The following FAM107B variants were observed in gnomAD, a reference collection of about 807,000 sequenced individuals.
FAM107B encodes family with sequence similarity 107 member B, also known as protein FAM107B.
Under a neutral mutation model 31.5 loss-of-function variants are expected in FAM107B, and 21 were observed. The ratio of observed to expected loss-of-function variants is 0.67; its 90% CI spans 0.47 to 0.96. The LOEUF (loss-of-function observed/expected upper bound fraction) is 0.96, where lower values mean the gene tolerates loss of function less well. Ranked by LOEUF, FAM107B falls within the 40% of genes least tolerant of loss-of-function variation. The pLI is 0.00. For missense variants in FAM107B, 452 were observed against 377.1 expected, an observed-to-expected ratio of 1.20 and a Z score of -1.64; for synonymous variants, 157 against 141.5, an observed-to-expected ratio of 1.11 and a Z score of -0.78.
chr10:14,774,521 G>A lies in FAM107B; in HGVS notation c.143C>T (p.Thr48Ile), dbSNP rs759208819. ...AGGCTGCACACGGACGGTGGAATGA[G>A]TATCAGCCACGCCGGACTGATTGAA... ...ASFNQSGVAD[T>I]HSTVRVQPVA... The change falls in exon 1 of 5, where the codon ACT (threonine) becomes ATT (isoleucine). Residue 48 changes from threonine to isoleucine, a missense_variant. By Grantham distance (89) the Thr-to-Ile change is moderately conservative. Transcript: ENST00000181796. 37 of 1,614,078 alleles carry A rather than the reference G, an allele frequency of 2.3e-5. No individual in the cohort carries two copies. In the South Asian group the frequency reaches 4.1e-4, roughly 18 times the overall value.
chr10:14,765,083 T>G (rs1833135591), intron 1 of FAM107B, among the ~76,000 whole-genome samples: 1 of 152,210 alleles, frequency 6.6e-6, no homozygotes, highest in Admixed American at 6.5e-5. Context: ...TGCTCAAAGA[T>G]ATGGGTCGAC....
At chr10:14,653,039 T>C (rs910315192) in intron 2 of FAM107B, among the ~76,000 whole-genome samples, 2 of 152,202 alleles carry the variant, frequency 1.3e-5, no homozygotes, top group Non-Finnish European at 1.5e-5. Flanking sequence ...ATAACTGGCC[T>C]TGGCTGAACA....
At chr10:14,604,125 G>T in intron 2 of FAM107B, 1 of 186,482 alleles carries the variant, frequency 5.4e-6, no homozygotes, top group Non-Finnish European at 9.4e-6. Flanking sequence ...CCCCCCACCC[G>T]CCCGGCCGCC....
intron 2 of FAM107B, among the ~76,000 whole-genome samples, chr10:14,639,687 C>T (rs1374266259): frequency 5.9e-5 from 9 of 152,106 alleles, no homozygotes; most frequent in Admixed American, 5.9e-4. Context: ...CAGCTTAAAA[C>T]ACCTCTAATG....
At position 14,537,197 on chromosome 10, in the gene FAM107B, G is replaced by A. The variant is rs180696160; in HGVS notation, c.470-6682C>T. Reference sequence around the variant, plus strand: ...AGAGTGGAGCAGCCATGCCCACTCCGCCTTCCTGCACTGTAGTCAAAGCAC... The same window carrying A: ...AGAGTGGAGCAGCCATGCCCACTCCACCTTCCTGCACTGTAGTCAAAGCAC... On this transcript the variant is annotated intron_variant, in intron 2 of 4. Coordinates refer to ENST00000181796, the MANE Select transcript of FAM107B (RefSeq NM_031453.4). Among the ~76,000 whole-genome samples the A allele has an allele frequency of 7.9e-5, 12 of 152,284 alleles. No individual in the cohort carries two copies. The East Asian group carries it at 2.1e-3, about 27-fold the overall frequency.
At chr10:14,739,606 A>T (rs982180569) in intron 1 of FAM107B, among the ~76,000 whole-genome samples, 1 of 151,156 alleles carries the variant, frequency 6.6e-6, no homozygotes. Flanking sequence ...GGCATATAGT[A>T]AGTGTTCATG....
chr10:14,603,807 C>A (rs1273904522), intron 2 of FAM107B, among the ~76,000 whole-genome samples: 2 of 151,760 alleles, frequency 1.3e-5, no homozygotes, highest in African/African-American at 4.8e-5. Flanking sequence ...GTCTGCCTGG[C>A]GGGGGCTGGC....
chr10:14,677,634 G>GA lies in FAM107B; in HGVS notation c.412-9944dup, dbSNP rs77918607. Among the ~76,000 whole-genome samples the GA allele has an allele frequency of 4.4e-3, 627 of 143,200 alleles. 5 individuals are homozygous for GA. Among genetic ancestry groups the GA allele is most frequent in the East Asian group, 0.04 (198 of 4,906 alleles). 93.9% of individuals were successfully genotyped at this position (143,200 alleles called of 152,430 possible). Reference sequence around the variant, plus strand: ...AGACTCCGTCTCAAAAAACAAAAAAGAAAAAAAAAAAGCTACAGATACCAG... The same window carrying GA: ...AGACTCCGTCTCAAAAAACAAAAAAGAAAAAAAAAAAAGCTACAGATACCAG... On this transcript the variant is annotated intron_variant, in intron 1 of 4. Transcript: ENST00000181796.
At chr10:14,749,176 T>A (rs1245464275) in intron 1 of FAM107B, among the ~76,000 whole-genome samples, 1 of 152,126 alleles carries the variant, frequency 6.6e-6, no homozygotes, top group African/African-American at 2.4e-5. Context: ...AGGGATGAAT[T>A]GCCAAGGTGG....
At chr10:14,655,443 G>A (rs541700901) in intron 2 of FAM107B, among the ~76,000 whole-genome samples, 155 of 152,098 alleles carry the variant, frequency 1.0e-3, no homozygotes, top group Middle Eastern at 3.4e-3. Context: ...GTTTTGTGAC[G>A]GAGTCTTGCT....
At chr10:14,587,491 T>A (rs1321597446) in intron 2 of FAM107B, among the ~76,000 whole-genome samples, 2 of 152,254 alleles carry the variant, frequency 1.3e-5, no homozygotes, top group Non-Finnish European at 2.9e-5. Flanking sequence ...TAGGCTTATT[T>A]TCATGGTATG....
At chr10:14,652,155 TA>T (rs5783415) in intron 2 of FAM107B, among the ~76,000 whole-genome samples, 135,009 of 150,816 alleles carry the variant, frequency 0.9, 60,494 homozygotes, top group Middle Eastern at 0.92. Context: ...CTTCAAATGT[TA>T]AAAAAAAAAA....
intron 1 of FAM107B, among the ~76,000 whole-genome samples, chr10:14,670,843 A>G (rs1265941312): frequency 6.6e-6 from 1 of 152,248 alleles, no homozygotes; most frequent in Non-Finnish European, 1.5e-5. Context: ...TCACTAGTAT[A>G]AACTATGTTC....
chr10:14,578,600 T>C (rs906753825), intron 2 of FAM107B, among the ~76,000 whole-genome samples: 3 of 152,186 alleles, frequency 2.0e-5, no homozygotes, highest in Non-Finnish European at 2.9e-5. Context: ...GCAGTCTTCA[T>C]TTGCGACATA....
At chr10:14,663,552 C>T (rs1002020383) in intron 2 of FAM107B, 1 of 152,190 alleles carries the variant, frequency 6.6e-6, no homozygotes, top group African/African-American at 2.4e-5. Flanking sequence ...AAATGGGGTA[C>T]CCATTGACAG....
intron 2 of FAM107B, among the ~76,000 whole-genome samples, chr10:14,637,503 T>G (rs1853529985): frequency 6.6e-6 from 1 of 152,038 alleles, no homozygotes; most frequent in African/African-American, 2.4e-5. Context: ...GTGTGGTGGC[T>G]AACTTTTTAT....
At chr10:14,666,372 AC>A (rs757329482) in intron 2 of FAM107B, among the ~76,000 whole-genome samples, 22 of 152,164 alleles carry the variant, frequency 1.4e-4, no homozygotes, top group Non-Finnish European at 2.4e-4. Flanking sequence ...TGAAGTGGGA[AC>A]AGCCCCTTAT....
intron 1 of FAM107B, among the ~76,000 whole-genome samples, chr10:14,740,642 A>G (rs1345117998): frequency 6.6e-6 from 1 of 152,212 alleles, no homozygotes; most frequent in East Asian, 1.9e-4. Flanking sequence ...CCTCAATTGT[A>G]ATCAATGTAC....
rs1309896560 is a variant in FAM107B, at chr10:14,522,032, A to G, written c.654-13T>C. On this transcript the variant is annotated splice_polypyrimidine_tract_variant and intron_variant, in intron 3 of 4. Coordinates refer to ENST00000181796, the MANE Select transcript of FAM107B (RefSeq NM_031453.4). Reference sequence around the variant, plus strand: ...AGGAGCAAGACCCCTGCGAAAGAGCATTAACAAAAATAGAAAACGTTAATC... The same window carrying G: ...AGGAGCAAGACCCCTGCGAAAGAGCGTTAACAAAAATAGAAAACGTTAATC... 1.6e-5 allele frequency: 25 copies of G among 1,593,842 alleles called. No individual in the cohort carries two copies. Among genetic ancestry groups the G allele is most frequent in the Non-Finnish European group, 2.0e-5 (24 of 1,175,186 alleles).
Sources: allele counts gnomAD v4.1 joint callset (sites outside exome capture counted in the v4.1 genomes callset), GRCh38; gene constraint gnomAD v4.1.1; transcripts MANE v1.5; gene names NCBI Gene and HGNC (gene_info 2026-07-23, HGNC 2026-07-21).